The following SEZ6L variants were observed in gnomAD, a reference collection of about 807,000 sequenced individuals.
The protein encoded by SEZ6L is seizure related 6 homolog like.
Under a neutral mutation model 106.2 loss-of-function variants are expected in SEZ6L, and 37 were observed. The observed-to-expected ratio is 0.35, with a 90% CI of 0.27 to 0.46. SEZ6L has a LOEUF of 0.46. Ranked by LOEUF, SEZ6L falls within the 20% of genes least tolerant of loss-of-function variation. The pLI is 1.00. For synonymous variants in SEZ6L, 541 were observed against 570.4 expected, an observed-to-expected ratio of 0.95 and a Z score of 0.73; for missense variants, 1,172 against 1,332.8, an observed-to-expected ratio of 0.88 and a Z score of 1.88.
intron 1 of SEZ6L, among the ~76,000 whole-genome samples, chr22:26,238,634 T>G (rs1012514342): frequency 6.6e-6 from 1 of 152,244 alleles, no homozygotes; most frequent in Non-Finnish European, 1.5e-5. Context: ...TGCTGTTTTT[T>G]GGGCACCAAC....
chr22:26,320,188 A>AG (rs2082116093), intron 9 of SEZ6L, among the ~76,000 whole-genome samples: 1 of 152,156 alleles, frequency 6.6e-6, no homozygotes, highest in African/African-American at 2.4e-5. Flanking sequence ...ATCTAGCGGG[A>AG]GGGGGACTTC....
chr22:26,296,851 T>C, intron 3 of SEZ6L, 37 bp from the exon 4 acceptor site: 1 of 1,505,334 alleles, frequency 6.6e-7, no homozygotes, highest in Non-Finnish European at 9.0e-7. Flanking sequence ...CAAACACAAC[T>C]CAGAGTTCCT....
intron 1 of SEZ6L, among the ~76,000 whole-genome samples, chr22:26,266,051 TCAAGCTAGTCAAGGCCAC>T (rs932783550): frequency 6.6e-6 from 1 of 152,130 alleles, no homozygotes; most frequent in African/African-American, 2.4e-5. Flanking sequence ...GTGCATCCTG[TCAAGCTAGTCAAGGCCAC>T]CAAGGTTCTG....
At chr22:26,340,727 C>T (rs1489947487) in intron 10 of SEZ6L, 95 bp downstream of exon 10, 6 of 1,004,060 alleles carry the variant, frequency 6.0e-6, no homozygotes, top group South Asian at 3.5e-5. Flanking sequence ...TGTACTACAG[C>T]GATTTTTCAT....
chr22:26,216,328 A>G (rs954139501), intron 1 of SEZ6L, among the ~76,000 whole-genome samples: 2 of 152,326 alleles, frequency 1.3e-5, no homozygotes, highest in African/African-American at 4.8e-5. Flanking sequence ...ACCTGTCCCC[A>G]AGTGGTGGAT....
chr22:26,312,646 C>T (rs2081875241), intron 8 of SEZ6L, among the ~76,000 whole-genome samples: 1 of 152,242 alleles, frequency 6.6e-6, no homozygotes, highest in Non-Finnish European at 1.5e-5. Flanking sequence ...GCTCGGCTCA[C>T]TGCAGCCTCC....
Position 26,340,613 on chromosome 22 carries a change from A to T in SEZ6L, c.2193A>T (p.Gly731=). Residue 731 remains glycine (G), a synonymous_variant, in exon 10 of 17, where the codon GGA becomes GGT. Transcript: ENST00000248933. ...GCCTCATCTTTGGAAAGGGCCAGGGATTTATCATGAACTACATAGGTAGGT... is the reference window on the plus strand; with the variant it reads ...GCCTCATCTTTGGAAAGGGCCAGGGTTTTATCATGAACTACATAGGTAGGT... ...PAGLIFGKGQ[G]FIMNYIEVSR... 1.2e-6 allele frequency: 2 copies of T among 1,613,738 alleles called. No individual in the cohort carries two copies. The highest frequency in any genetic ancestry group is 1.1e-5 in the South Asian group (1 of 90,968).
chr22:26,325,879 GC>G (rs1404644060), intron 9 of SEZ6L, among the ~76,000 whole-genome samples: 7 of 151,718 alleles, frequency 4.6e-5, no homozygotes. Context: ...CCCTTCCATG[GC>G]CCATGGTCCT....
chr22:26,216,925 G>C (rs2078315594), intron 1 of SEZ6L, among the ~76,000 whole-genome samples: 1 of 152,192 alleles, frequency 6.6e-6, no homozygotes, highest in African/African-American at 2.4e-5. Context: ...CAGGAGGGAA[G>C]TGGTAGGGTT....
At chr22:26,331,027 G>C (rs1024247440) in intron 9 of SEZ6L, among the ~76,000 whole-genome samples, 1 of 152,176 alleles carries the variant, frequency 6.6e-6, no homozygotes, top group Non-Finnish European at 1.5e-5. Context: ...AAGGTGGCTT[G>C]CTCATCATGT....
At chr22:26,259,831 T>C (rs1280580005) in intron 1 of SEZ6L, among the ~76,000 whole-genome samples, 1 of 152,194 alleles carries the variant, frequency 6.6e-6, no homozygotes, top group Non-Finnish European at 1.5e-5. Context: ...TTTCTCCTAA[T>C]TTATTGATGA....
At chr22:26,374,732 G>T (rs2146082504) in intron 14 of SEZ6L, among the ~76,000 whole-genome samples, 1 of 152,366 alleles carries the variant, frequency 6.6e-6, no homozygotes, top group South Asian at 2.1e-4. Context: ...GAGAATGGCA[G>T]AGGAAACCTG....
At chr22:26,202,318 T>C (rs1183463838) in intron 1 of SEZ6L, among the ~76,000 whole-genome samples, 1 of 152,206 alleles carries the variant, frequency 6.6e-6, no homozygotes, top group Non-Finnish European at 1.5e-5. Context: ...AATCTATTGC[T>C]AGATGATCCC....
chr22:26,370,101 T>TGG, intron 13 of SEZ6L, among the ~76,000 whole-genome samples: 1 of 150,746 alleles, frequency 6.6e-6, no homozygotes, highest in African/African-American at 2.4e-5. Flanking sequence ...TAAGAAACCT[T>TGG]GGCCGGCGCG....
intron 1 of SEZ6L, among the ~76,000 whole-genome samples, chr22:26,176,502 T>G (rs907474081): frequency 6.6e-6 from 1 of 152,232 alleles, no homozygotes; most frequent in African/African-American, 2.4e-5. Context: ...TGAGCCTTAT[T>G]CTCATCTTAC....
At chr22:26,188,618 C>A (rs1051698990) in intron 1 of SEZ6L, among the ~76,000 whole-genome samples, 7 of 152,164 alleles carry the variant, frequency 4.6e-5, no homozygotes, top group African/African-American at 1.7e-4. Context: ...ATGTACTGAG[C>A]GGGTACTATG....
chr22:26,207,911 T>A (rs1941358869), intron 1 of SEZ6L, among the ~76,000 whole-genome samples: 1 of 22,170 alleles, frequency 4.5e-5, no homozygotes, highest in Non-Finnish European at 8.0e-5. Context: ...TTCATGTGTA[T>A]TTTTTTTTTT....
chr22:26,338,569 A>AT (rs200258784), intron 9 of SEZ6L, among the ~76,000 whole-genome samples: 30,424 of 150,484 alleles, frequency 0.2, 3,717 homozygotes, highest in South Asian at 0.26. Flanking sequence ...AAAAAAAAAA[A>AT]TTTTTTTTGA....
intron 1 of SEZ6L, among the ~76,000 whole-genome samples, chr22:26,185,571 A>G (rs1041450299): frequency 6.6e-6 from 1 of 152,154 alleles, no homozygotes; most frequent in Admixed American, 6.5e-5. Context: ...TGAGCTATAC[A>G]TGCTGCCTTC....
Sources: gnomAD v4.1 joint callset for allele counts (sites outside exome capture counted in the v4.1 genomes callset) on GRCh38, gnomAD v4.1.1 for gene constraint, MANE v1.5 for transcripts, NCBI Gene and HGNC (gene_info 2026-07-23, HGNC 2026-07-21) for gene names.